The following MTA1 variants were observed in gnomAD, a reference collection of about 807,000 sequenced individuals.
MTA1 encodes metastasis associated 1, also known as metastasis-associated protein MTA1.
MTA1 carries 15 observed loss-of-function variants against 97.0 expected under a neutral mutation model. The ratio of observed to expected loss-of-function variants is 0.15; its 90% CI spans 0.10 to 0.24. The LOEUF (loss-of-function observed/expected upper bound fraction) is 0.24, where lower values mean the gene tolerates loss of function less well. MTA1 is among the 10% of genes least tolerant of loss of function. The pLI is 1.00. For missense variants in MTA1, 709 were observed against 1,015.1 expected, an observed-to-expected ratio of 0.70 and a Z score of 4.10; for synonymous variants, 435 against 417.5, an observed-to-expected ratio of 1.04 and a Z score of -0.51.
rs1595233589 is a variant in MTA1, at chr14:105,420,416, C to T, written c.28+353C>T. Among the ~76,000 whole-genome samples the T allele has an allele frequency of 6.6e-6, 1 of 151,958 alleles. No individual in the cohort carries two copies. Among genetic ancestry groups the T allele is most frequent in the Non-Finnish European group, 1.5e-5 (1 of 67,952 alleles). ...GGGAGCACGTGGCCTTGGGAGGCGC[C>T]GGCTGCCGGTCTGGGAGCAGGAGTT... On this transcript the variant is annotated intron_variant, in intron 1 of 20. Coordinates refer to ENST00000331320, the MANE Select transcript of MTA1 (RefSeq NM_004689.4). The surrounding 1 kb of genome is among the most constrained non-coding windows in gnomAD (Gnocchi z 5.3).
Position 105,466,426 on chromosome 14 carries a change from A to AGGGGGGGGGGC in MTA1, c.1626_1627insGGGGGGGGGCG (p.Thr543GlyfsTer15). The AGGGGGGGGGGC allele has an allele frequency of 2.0e-6, 3 of 1,484,208 alleles. No individual in the cohort carries two copies. The highest frequency in any genetic ancestry group is 2.8e-6 in the Non-Finnish European group (3 of 1,071,310). 91.9% of individuals were successfully genotyped at this position (1,484,208 alleles called of 1,614,324 possible). ...GTTCTGCCTGTGTCATTCCCGGCAG[A>AGGGGGGGGGGC]GACCCACCCCCGCCCCCCCAAGCCT... On this transcript the variant is annotated frameshift_variant and splice_region_variant, in exon 17 of 21. Coordinates refer to ENST00000331320, the MANE Select transcript of MTA1 (RefSeq NM_004689.4). LOFTEE classifies it high-confidence loss of function.
chr14:105,465,238 A>C, intron 16 of MTA1, 55 bp downstream of exon 16: 2 of 1,428,898 alleles, frequency 1.4e-6, no homozygotes, highest in Non-Finnish European at 1.9e-6. Flanking sequence ...GCAGCTTCTC[A>C]CCCAAGCTCA....
chr14:105,442,656 G>A (rs1486274778), intron 2 of MTA1, among the ~76,000 whole-genome samples: 12 of 152,200 alleles, frequency 7.9e-5, no homozygotes, highest in Admixed American at 3.3e-4. Flanking sequence ...AACAGACCCC[G>A]AGTGTGACTG....
Position 105,422,073 on chromosome 14 carries a change from G to C in MTA1, c.28+2010G>C, listed in dbSNP as rs1235353986. Among the ~76,000 whole-genome samples the C allele has an allele frequency of 6.6e-6, 1 of 152,240 alleles. No individual in the cohort carries two copies. The stretch of plus-strand genomic sequence containing the variant: ...CGTGGGATCCAGACTGCTTCTGCGT[G>C]TGCAGTCCGTGGTCACTGTGGCCGG... On this transcript the variant is annotated intron_variant, in intron 1 of 20. Transcript: ENST00000331320. This position sits in a 1 kb window ranked among gnomAD's most constrained non-coding sequence, Gnocchi z 4.3.
intron 6 of MTA1, among the ~76,000 whole-genome samples, chr14:105,451,757 T>TC (rs1362259698): frequency 2.0e-5 from 3 of 147,914 alleles, no homozygotes; most frequent in African/African-American, 7.5e-5. Context: ...ATGCAGCCCT[T>TC]CCCCCCTTTT....
At chr14:105,454,041 GCTCCTGCGCCCTCCCTCC>G in intron 6 of MTA1, 134 bp from the exon 7 acceptor site, 1 of 555,948 alleles carries the variant, frequency 1.8e-6, no homozygotes, top group East Asian at 3.2e-5. Context: ...AGCTGTGGGG[GCTCCTGCGCCCTCCCTCC>G]CTCCTGCGCC....
Position 105,463,118 on chromosome 14 carries a change from C to T in MTA1, c.943-66C>T. ...GTGGCCTTCTGGCCGCAGCCCTGCC[C>T]CTGCCTGCATGGTGTGCCTGCCTCC... On this transcript the variant is annotated intron_variant, in intron 10 of 20. Transcript: ENST00000331320. The surrounding 1 kb of genome is among the most constrained non-coding windows in gnomAD (Gnocchi z 5.9). The T allele has an allele frequency of 1.3e-6, 2 of 1,516,106 alleles. No individual in the cohort carries two copies. The highest frequency in any genetic ancestry group is 1.8e-6 in the Non-Finnish European group (2 of 1,100,616). 93.9% of individuals were successfully genotyped at this position (1,516,106 alleles called of 1,614,324 possible).
intron 18 of MTA1, 65 bp from the exon 19 acceptor site, chr14:105,469,402 G>T (rs1567051637): frequency 6.4e-7 from 1 of 1,570,246 alleles, no homozygotes; most frequent in East Asian, 2.2e-5. Context: ...TGAGGCCGTG[G>T]TGGGCGGTGG....
At chr14:105,446,031 G>A (rs1452437647) in intron 3 of MTA1, among the ~76,000 whole-genome samples, 1 of 152,098 alleles carries the variant, frequency 6.6e-6, no homozygotes, top group African/African-American at 2.4e-5. Context: ...CAGCGTGTGG[G>A]AGGAAGCCAC....
At position 105,420,294 on chromosome 14, in the gene MTA1, C is replaced by T. The variant is rs2081783987; in HGVS notation, c.28+231C>T. On this transcript the variant is annotated intron_variant, in intron 1 of 20. Transcript: ENST00000331320. This position sits in a 1 kb window ranked among gnomAD's most constrained non-coding sequence, Gnocchi z 5.3. ...GGCTCGGCGGCCCGGGGGTGGGGGGCGGCCCACCTGTTGGGGCCGAGGGGG... is the reference window on the plus strand; with the variant it reads ...GGCTCGGCGGCCCGGGGGTGGGGGGTGGCCCACCTGTTGGGGCCGAGGGGG... Among the ~76,000 whole-genome samples, 1 of 149,620 alleles carries T rather than the reference C, an allele frequency of 6.7e-6. No homozygotes were observed. The highest frequency in any genetic ancestry group is 2.1e-4 in the South Asian group (1 of 4,790).
chr14:105,452,749 T>C (rs2082992301), intron 6 of MTA1, among the ~76,000 whole-genome samples: 1 of 152,202 alleles, frequency 6.6e-6, no homozygotes, highest in Non-Finnish European at 1.5e-5. Context: ...CTCTGGATAG[T>C]CGTGTCAGTT....
In MTA1 at chr14:105,464,862, G is replaced by C. The variant is rs782490034; in HGVS notation, c.1533G>C (p.Glu511Asp). 2 of 1,568,504 alleles carry C rather than the reference G, an allele frequency of 1.3e-6. No homozygotes were observed. The highest frequency in any genetic ancestry group is 1.8e-5 in the Admixed American group (1 of 55,044). The change falls in exon 15 of 21, where the codon GAG becomes GAC. Residue 511 changes from glutamate to aspartate, a missense_variant and splice_region_variant. Physicochemically the swap from Glu to Asp is conservative, Grantham distance 45 (BLOSUM62 2). Around this residue, in one of 2 missense-constraint regions of MTA1, gnomAD observed 388 missense variants for 421.6 expected, o/e 0.92. Coordinates refer to ENST00000331320, the MANE Select transcript of MTA1 (RefSeq NM_004689.4). ...TCAACAGCGCGGCCATCAAGGCCGA[G>C]TGTGAGTCACCCCAACGCCCCGCTT... ...LPINSAAIKA[E>D]CTARLPEASQ...
intron 7 of MTA1, among the ~76,000 whole-genome samples, chr14:105,457,937 T>A (rs897045827): frequency 2.7e-5 from 4 of 150,376 alleles, no homozygotes; most frequent in Non-Finnish European, 5.9e-5. Flanking sequence ...AAAATAATAA[T>A]AATAATAATA....
intron 3 of MTA1, among the ~76,000 whole-genome samples, chr14:105,448,336 G>T (rs952497932): frequency 1.3e-5 from 2 of 152,260 alleles, no homozygotes; most frequent in South Asian, 4.1e-4. Flanking sequence ...CACCTCGCCC[G>T]CATCTCCGAC....
chr14:105,429,247 GC>G (rs1555422885), intron 1 of MTA1, among the ~76,000 whole-genome samples: 4 of 152,080 alleles, frequency 2.6e-5, no homozygotes, highest in Non-Finnish European at 4.4e-5. Flanking sequence ...CAGTACTAAG[GC>G]CGTTCAGCTG....
Position 105,466,353 on chromosome 14 carries a change from C to T in MTA1, c.1625-73C>T, listed in dbSNP as rs1198245961. On this transcript the variant is annotated intron_variant, in intron 16 of 20. Transcript: ENST00000331320. ...TGGGGGTATCCCGGAACCATGAGGG[C>T]TGGAGCCTGGGCCTGCCTGCCCCTC... 7.3e-6 allele frequency: 10 copies of T among 1,376,476 alleles called. No homozygotes were observed. The African/African-American group carries it at 1.1e-4, about 16-fold the overall frequency. The allele number at this position is 1,376,476 out of a possible 1,614,324, so 85.3% of individuals were successfully genotyped here.
chr14:105,439,986 G>A (rs1398517374), intron 2 of MTA1, among the ~76,000 whole-genome samples: 5 of 152,188 alleles, frequency 3.3e-5, no homozygotes, highest in African/African-American at 1.2e-4. Context: ...TTCCCTGGCT[G>A]CGCTTGTCGA....
At chr14:105,467,834 C>T in intron 18 of MTA1, 1 of 249,740 alleles carries the variant, frequency 4.0e-6, no homozygotes, top group Non-Finnish European at 8.0e-6. Context: ...GGAGGGAGTC[C>T]TTGTCAGCAG....
Position 105,419,990 on chromosome 14 carries a change from G to T in MTA1, c.-46G>T. On this transcript the variant is annotated 5_prime_UTR_variant, in exon 1 of 21. Coordinates refer to ENST00000331320, the MANE Select transcript of MTA1 (RefSeq NM_004689.4). Reference sequence around the variant, plus strand: ...CTCCATTTTCCCGGCCGCCCGCGCCGAGCGCCGCGCCCGCCCCGGGCCCCT... The same window carrying T: ...CTCCATTTTCCCGGCCGCCCGCGCCTAGCGCCGCGCCCGCCCCGGGCCCCT... 2 of 969,036 alleles carry T rather than the reference G, an allele frequency of 2.1e-6. No individual in the cohort carries two copies. Among genetic ancestry groups the T allele is most frequent in the Non-Finnish European group, 2.4e-6 (2 of 823,196 alleles). 60.0% of individuals were successfully genotyped at this position (969,036 alleles called of 1,614,324 possible). A position where few individuals can be genotyped will look rare whatever the true frequency, so the allele number is the denominator to read the frequency against.
Sources: gnomAD v4.1 joint callset for allele counts (sites outside exome capture counted in the v4.1 genomes callset) on GRCh38, gnomAD v4.1.1 for gene constraint, gnomAD v4.1.1 regional missense constraint, Gnocchi (gnomAD v3.1) non-coding constraint, MANE v1.5 for transcripts, NCBI Gene and HGNC (gene_info 2026-07-23, HGNC 2026-07-21) for gene names.